PTPRQ: variants seen among roughly 807,000 people sequenced by gnomAD.
The protein encoded by PTPRQ is protein tyrosine phosphatase receptor type Q, also known as phosphatidylinositol phosphatase PTPRQ.
Under a neutral mutation model 246.0 loss-of-function variants are expected in PTPRQ, and 199 were observed. The observed-to-expected ratio is 0.81, with a 90% confidence interval of 0.72 to 0.91. The LOEUF (loss-of-function observed/expected upper bound fraction) is 0.91, where lower values mean the gene tolerates loss of function less well. Ranked by LOEUF, PTPRQ falls within the 40% of genes least tolerant of loss-of-function variation. The pLI is 0.00. For missense variants in PTPRQ, 2,624 were observed against 2,528.4 expected, an observed-to-expected ratio of 1.04 and a Z score of -0.81; for synonymous variants, 869 against 853.2, an observed-to-expected ratio of 1.02 and a Z score of -0.32.
chr12:80,461,291 T>G (rs1893158691), intron 6 of PTPRQ, among the ~76,000 whole-genome samples: 1 of 152,192 alleles, frequency 6.6e-6, no homozygotes, highest in African/African-American at 2.4e-5. Flanking sequence ...AACGAGCATG[T>G]GATCAACATT....
At chr12:80,650,198 T>C (rs768541770) in intron 37 of PTPRQ, among the ~76,000 whole-genome samples, 3 of 151,966 alleles carry the variant, frequency 2.0e-5, no homozygotes, top group Non-Finnish European at 2.9e-5. Flanking sequence ...AGATAAGTAA[T>C]GTCCACGTTT....
Position 80,493,357 on chromosome 12 carries a change from C to T in PTPRQ, c.1442C>T (p.Ser481Leu), listed in dbSNP as rs575857456. 28 of 1,549,976 alleles carry T rather than the reference C, an allele frequency of 1.8e-5. No homozygotes were observed. The highest frequency in any genetic ancestry group is 2.7e-5 in the African/African-American group (2 of 73,012). ...VGLYEGSAEM[S>L]SDLHSLATFI... ...TTATATGAGGGTTCAGCAGAGATGT[C>T]GTCTGACCTTCACTCACTTGCTACA... is the stretch of plus-strand genomic sequence containing the variant. Residue 481 changes from serine (S) to leucine (L), a missense_variant, in exon 10 of 45, where the codon TCG becomes TTG. Coordinates refer to ENST00000644991, the MANE Select transcript of PTPRQ (RefSeq NM_001145026.2).
chr12:80,471,509 G>C (rs1325289401), intron 7 of PTPRQ, among the ~76,000 whole-genome samples: 3 of 15,456 alleles, frequency 1.9e-4, no homozygotes, highest in Non-Finnish European at 4.5e-4. Flanking sequence ...ACAGAGTCTC[G>C]CTCTGTCGCC....
intron 3 of PTPRQ, among the ~76,000 whole-genome samples, chr12:80,448,603 C>T (rs1353519596): frequency 6.6e-6 from 1 of 151,000 alleles, no homozygotes. Context: ...CAATTCCCAC[C>T]TATGAGTGAG....
intron 27 of PTPRQ, among the ~76,000 whole-genome samples, chr12:80,607,231 C>T (rs566716167): frequency 6.6e-6 from 1 of 150,982 alleles, no homozygotes; most frequent in South Asian, 2.1e-4. Context: ...TAACTTCTCA[C>T]AGAGCTAAGA....
intron 3 of PTPRQ, among the ~76,000 whole-genome samples, chr12:80,455,773 T>C (rs1271102061): frequency 3.3e-5 from 2 of 59,908 alleles, no homozygotes; most frequent in Admixed American, 1.6e-4. Flanking sequence ...TCGTATTTTA[T>C]TTTTTTTTAG....
chr12:80,479,716 G>A (rs1893963282), intron 8 of PTPRQ, among the ~76,000 whole-genome samples: 1 of 148,410 alleles, frequency 6.7e-6, no homozygotes, highest in South Asian at 2.1e-4. Flanking sequence ...AAAAAGGCAG[G>A]GGTTGCAATC....
intron 6 of PTPRQ, among the ~76,000 whole-genome samples, chr12:80,463,683 A>G (rs1226501014): frequency 6.6e-6 from 1 of 151,838 alleles, no homozygotes; most frequent in East Asian, 1.9e-4. Flanking sequence ...CAGAAACCCT[A>G]GAAGCCAGAA....
intron 35 of PTPRQ, 64 bp downstream of exon 35, chr12:80,635,137 C>A: frequency 1.3e-6 from 2 of 1,506,540 alleles, no homozygotes; most frequent in African/African-American, 1.4e-5. Flanking sequence ...CTATTCTGAC[C>A]TATGCTTGTT....
rs1445194766 is a variant in PTPRQ at position 80,549,722 on chromosome 12, C to T, written c.4273C>T (p.Leu1425=). ...GDESTCHVST[L]PETVPSVPTN... ...TGAAAGCACATGCCATGTCAGCACACTACCTGAAACAGGTAACTAACGTGA... is the reference window on the plus strand; with the variant it reads ...TGAAAGCACATGCCATGTCAGCACATTACCTGAAACAGGTAACTAACGTGA... The change falls in exon 25 of 45, where the codon CTA becomes TTA. Residue 1425 remains leucine (L), a synonymous_variant. Coordinates refer to ENST00000644991, the MANE Select transcript of PTPRQ (RefSeq NM_001145026.2). 6.5e-7 allele frequency: 1 copy of T among 1,541,032 alleles called. No homozygotes were observed. Among genetic ancestry groups the T allele is most frequent in the Non-Finnish European group, 8.8e-7 (1 of 1,141,544 alleles).
chr12:80,673,203 C>G lies in PTPRQ; in HGVS notation c.6637C>G (p.Leu2213Val), dbSNP rs369434479. 2.6e-6 allele frequency: 4 copies of G among 1,550,778 alleles called. No individual in the cohort carries two copies. The African/African-American group carries it at 5.5e-5, about 21-fold the overall frequency. ...GVGRTGVFIA[L>V]DHLTQHINDH... ...TGGAAGAACTGGAGTTTTTATTGCTCTGGACCATTTAACACAACATATAAA... is the reference window on the plus strand; with the variant it reads ...TGGAAGAACTGGAGTTTTTATTGCTGTGGACCATTTAACACAACATATAAA... Residue 2213 changes from leucine (L) to valine (V), a missense_variant, in exon 43 of 45, where the codon CTG becomes GTG. Transcript: ENST00000644991.
intron 25 of PTPRQ, among the ~76,000 whole-genome samples, chr12:80,577,169 T>A (rs1897297761): frequency 6.6e-6 from 1 of 152,240 alleles, no homozygotes; most frequent in Non-Finnish European, 1.5e-5. Flanking sequence ...TTTGCCTTTG[T>A]ATTAGTCTGT....
intron 8 of PTPRQ, among the ~76,000 whole-genome samples, chr12:80,477,845 G>C (rs896508317): frequency 2.0e-5 from 3 of 152,214 alleles, no homozygotes; most frequent in African/African-American, 7.2e-5. Flanking sequence ...GGCGCACCAC[G>C]AGATTATATC....
intron 38 of PTPRQ, among the ~76,000 whole-genome samples, chr12:80,655,416 A>G (rs1169078950): frequency 6.6e-6 from 1 of 152,208 alleles, no homozygotes; most frequent in African/African-American, 2.4e-5. Flanking sequence ...TTTCCTTTTA[A>G]GAGCTGCTAA....
Position 80,562,408 on chromosome 12 carries a change from G to T in PTPRQ, c.4285+12674G>T, listed in dbSNP as rs116555612. On this transcript the variant is annotated intron_variant, in intron 25 of 44. Coordinates refer to ENST00000644991, the MANE Select transcript of PTPRQ (RefSeq NM_001145026.2). The stretch of plus-strand genomic sequence containing the variant: ...TCCAGTGAAACTATCTGAACTTAGA[G>T]ATGTCTTTTTGGAGAATTTTAAAAT... 4.6e-3 allele frequency among the ~76,000 whole-genome samples: 708 copies of T among 152,276 alleles called. 7 individuals carry two copies. The highest frequency in any genetic ancestry group is 0.017 in the African/African-American group (688 of 41,568).
chr12:80,472,034 C>G, intron 7 of PTPRQ, 71 bp from the exon 8 acceptor site: 2 of 1,523,830 alleles, frequency 1.3e-6, no homozygotes, highest in East Asian at 2.5e-5. Flanking sequence ...GTCTTTGGCT[C>G]TGTACTTAAA....
At chr12:80,640,469 T>C (rs112050914) in intron 35 of PTPRQ, among the ~76,000 whole-genome samples, 1 of 152,246 alleles carries the variant, frequency 6.6e-6, no homozygotes, top group African/African-American at 2.4e-5. Flanking sequence ...AGAAATGTTC[T>C]ATGCTTAGAA....
chr12:80,668,435 C>T (rs1422295869), intron 39 of PTPRQ, among the ~76,000 whole-genome samples: 1 of 151,818 alleles, frequency 6.6e-6, no homozygotes, highest in African/African-American at 2.4e-5. Flanking sequence ...AGACTAATGA[C>T]TAATGCCACA....
chr12:80,454,832 T>A (rs1462006158), intron 3 of PTPRQ, among the ~76,000 whole-genome samples: 1 of 152,212 alleles, frequency 6.6e-6, no homozygotes, highest in Non-Finnish European at 1.5e-5. Context: ...AATTATTTAA[T>A]TCAAACTTAA....
Sources: allele counts gnomAD v4.1 joint callset (sites outside exome capture counted in the v4.1 genomes callset), GRCh38; gene constraint gnomAD v4.1.1; transcripts MANE v1.5; gene names NCBI Gene and HGNC (gene_info 2026-07-23, HGNC 2026-07-21).